PRDX3: variants seen among roughly 807,000 people sequenced by gnomAD.
PRDX3 encodes the protein peroxiredoxin 3.
Under a neutral mutation model 30.4 loss-of-function variants are expected in PRDX3, and 20 were observed. That is an observed-to-expected ratio of 0.66 (90% confidence interval 0.46 to 0.96). The LOEUF (loss-of-function observed/expected upper bound fraction) is 0.96. Ranked by LOEUF, PRDX3 falls within the 40% of genes least tolerant of loss-of-function variation. The probability of loss-of-function intolerance (pLI) is 0.00; values close to 1 mark genes in which losing one functional copy is unlikely to be tolerated. For synonymous variants in PRDX3, 124 were observed against 117.8 expected (o/e 1.05, Z -0.34); for missense variants, 322 against 318.3 (o/e 1.01, Z -0.09).
At chr10:119,174,156 A>G in intron 3 of PRDX3, among the ~76,000 whole-genome samples, 1 of 152,226 alleles carries the variant, frequency 6.6e-6, no homozygotes, top group Non-Finnish European at 1.5e-5. Context: ...TATTATGCCT[A>G]CTTTTCTCAT....
At position 119,168,558 on chromosome 10, in the gene PRDX3, G is replaced by T. The variant is rs748210590; in HGVS notation, c.718-25C>A. On this transcript the variant is annotated intron_variant, in intron 6 of 6. Coordinates refer to ENST00000298510, the MANE Select transcript of PRDX3 (RefSeq NM_006793.5). ...TCTGAAAATACAAAAGCTTAATTAG[G>T]TAACTGTGACTTTACCATAATAATA... is the stretch of plus-strand genomic sequence containing the variant. 1.2e-5 allele frequency: 19 copies of T among 1,612,350 alleles called. No individual in the cohort carries two copies. The South Asian group carries it at 2.0e-4, about 17-fold the overall frequency.
intron 3 of PRDX3, 49 bp downstream of exon 3, chr10:119,174,402 T>A (rs1847979118): frequency 6.4e-7 from 1 of 1,553,980 alleles, no homozygotes; most frequent in African/African-American, 1.4e-5. Flanking sequence ...GAACAGGATA[T>A]GTGCTTGCTC....
chr10:119,177,230 G>C lies in PRDX3; in HGVS notation c.37-77C>G. On this transcript the variant is annotated intron_variant, in intron 1 of 6. Transcript: ENST00000298510. Reference sequence around the variant, plus strand: ...GCTGAAAGGGCATCGTGCCAACGGTGGTTTCAGCTGTCCCTGTTCCTGTGA... The same window carrying C: ...GCTGAAAGGGCATCGTGCCAACGGTCGTTTCAGCTGTCCCTGTTCCTGTGA... 3.4e-6 allele frequency: 5 copies of C among 1,479,182 alleles called. No homozygotes were observed. In the Admixed American group the frequency reaches 8.7e-5, roughly 26 times the overall value. 91.6% of individuals were successfully genotyped at this position (1,479,182 alleles called of 1,614,324 possible).
chr10:119,168,379 G>C lies in PRDX3; in HGVS notation c.*101C>G. The C allele has an allele frequency of 6.4e-7, 1 of 1,573,286 alleles. No individual in the cohort carries two copies. Among genetic ancestry groups the C allele is most frequent in the Non-Finnish European group, 8.6e-7 (1 of 1,165,612 alleles). ...AATACTTATGAATACAAGCATAATT[G>C]GTTCCTTGCCTTCTACAAATAACCA... is the stretch of plus-strand genomic sequence containing the variant. On this transcript the variant is annotated 3_prime_UTR_variant, in exon 7 of 7. Transcript: ENST00000298510.
In PRDX3 at chr10:119,173,818, A is replaced by G; in HGVS notation, c.366T>C (p.Phe122=). Reference sequence around the variant, plus strand: ...CGACAACTTCACAGTTCACGTCGTGAAATTCGTTAGCTTTGTCACTAAAAG... The same window carrying G: ...CGACAACTTCACAGTTCACGTCGTGGAATTCGTTAGCTTTGTCACTAAAAG... The part of the protein sequence containing the change: ...IVAFSDKANE[F]HDVNCEVVAV... The change falls in exon 4 of 7, where the codon TTT becomes TTC. Residue 122 remains phenylalanine, a synonymous_variant. Transcript: ENST00000298510. 1.9e-6 allele frequency: 3 copies of G among 1,612,812 alleles called. No homozygotes were observed. The highest frequency in any genetic ancestry group is 1.7e-6 in the Non-Finnish European group (2 of 1,179,178).
chr10:119,173,317 T>C (rs1847953425), intron 4 of PRDX3, among the ~76,000 whole-genome samples: 1 of 151,964 alleles, frequency 6.6e-6, no homozygotes, highest in Admixed American at 6.6e-5. Context: ...ATAAAAAAAA[T>C]ACCTTGAGTA....
chr10:119,168,380 G>C lies in PRDX3; in HGVS notation c.*100C>G. 6.3e-7 allele frequency: 1 copy of C among 1,577,468 alleles called. No homozygotes were observed. The highest frequency in any genetic ancestry group is 8.6e-7 in the Non-Finnish European group (1 of 1,167,232). On this transcript the variant is annotated 3_prime_UTR_variant, in exon 7 of 7. Transcript: ENST00000298510. Reference sequence around the variant, plus strand: ...ATACTTATGAATACAAGCATAATTGGTTCCTTGCCTTCTACAAATAACCAT... The same window carrying C: ...ATACTTATGAATACAAGCATAATTGCTTCCTTGCCTTCTACAAATAACCAT...
intron 4 of PRDX3, among the ~76,000 whole-genome samples, 197 bp downstream of exon 4, chr10:119,173,540 C>T (rs1847959592): frequency 6.6e-6 from 1 of 150,524 alleles, no homozygotes; most frequent in Non-Finnish European, 1.5e-5. Flanking sequence ...ACCCAGGTGG[C>T]GGAGGTTGCA....
intron 1 of PRDX3, among the ~76,000 whole-genome samples, chr10:119,177,378 G>A (rs962201502): frequency 7.2e-5 from 11 of 152,226 alleles, no homozygotes; most frequent in African/African-American, 2.4e-4. Flanking sequence ...CACAAAGACC[G>A]GCTGGGCGCG....
In PRDX3 at chr10:119,169,105, G is replaced by A. The variant is rs1847839844; in HGVS notation, c.717+72C>T. The A allele has an allele frequency of 2.6e-6, 4 of 1,521,680 alleles. No homozygotes were observed. In the Admixed American group the frequency reaches 7.1e-5, roughly 27 times the overall value. The allele number at this position is 1,521,680 out of a possible 1,614,324, so 94.3% of individuals were successfully genotyped here. A position where few individuals can be genotyped will look rare whatever the true frequency, so the allele number is the denominator to read the frequency against. ...GCTTCAAGAGTGGGCTCCCTTTTGTGGATATTTCAGGTCAATAGCTCTCGA... is the reference window on the plus strand; with the variant it reads ...GCTTCAAGAGTGGGCTCCCTTTTGTAGATATTTCAGGTCAATAGCTCTCGA... On this transcript the variant is annotated intron_variant, in intron 6 of 6. Coordinates refer to ENST00000298510, the MANE Select transcript of PRDX3 (RefSeq NM_006793.5).
chr10:119,177,139 C>T lies in PRDX3; in HGVS notation c.51G>A (p.Val17=). ...CAGAAATGCCCCAAGGAATGGCACT[C>T]ACATGTCGGGCAACCTGGAAAGAGA... The part of the protein sequence containing the change: ...RLLRASVARH[V]SAIPWGISAT... The change falls in exon 2 of 7, where the codon GTG becomes GTA. Residue 17 remains valine, a synonymous_variant. Transcript: ENST00000298510. 1 of 1,613,258 alleles carries T rather than the reference C, an allele frequency of 6.2e-7. No individual in the cohort carries two copies. Among genetic ancestry groups the T allele is most frequent in the African/African-American group, 1.3e-5 (1 of 75,036 alleles).
intron 1 of PRDX3, 53 bp from the exon 2 acceptor site, chr10:119,177,206 C>G (rs1848055198): frequency 1.3e-6 from 2 of 1,592,340 alleles, no homozygotes; most frequent in African/African-American, 1.3e-5. Context: ...TGACTGAAGG[C>G]TGAAAGGGCA....
intron 3 of PRDX3, among the ~76,000 whole-genome samples, chr10:119,174,163 T>G (rs1279291614): frequency 6.6e-6 from 1 of 152,234 alleles, no homozygotes; most frequent in East Asian, 1.9e-4. Flanking sequence ...CCTACTTTTC[T>G]CATTTTTCCC....
intron 5 of PRDX3, among the ~76,000 whole-genome samples, chr10:119,171,661 A>C (rs1253873257): frequency 6.6e-6 from 1 of 152,146 alleles, no homozygotes; most frequent in Non-Finnish European, 1.5e-5. Context: ...CTATGCTAAA[A>C]ACTCTAGCTG....
At chr10:119,171,390 G>A (rs35015694) in intron 5 of PRDX3, among the ~76,000 whole-genome samples, 155 of 152,252 alleles carry the variant, frequency 1.0e-3, no homozygotes, top group African/African-American at 3.7e-3. Flanking sequence ...GTGAGGCACA[G>A]CACATCAAAG....
intron 6 of PRDX3, 125 bp downstream of exon 6, chr10:119,169,052 C>A: frequency 5.4e-5 from 44 of 814,826 alleles, no homozygotes; most frequent in East Asian, 6.8e-5. Context: ...ACAGCAGCTT[C>A]ACCCATTTGC....
At chr10:119,173,604 C>T (rs558030887) in intron 4 of PRDX3, 133 bp downstream of exon 4, 252 of 1,021,926 alleles carry the variant, frequency 2.5e-4, no homozygotes, top group Non-Finnish European at 3.2e-4. Context: ...AGTGAAGCTC[C>T]GTCTCAAAAA....
At position 119,168,492 on chromosome 10, in the gene PRDX3, C is replaced by G. The variant is rs1847820285; in HGVS notation, c.759G>C (p.Lys253Asn). ...ACACATGGGTGATCTACTGATTTAC[C>G]TTCTGAAAGTACTCTTTGGAAGCAG... Reference protein sequence around the residue: ...SPAASKEYFQKVNQ With the variant: ...SPAASKEYFQNVNQ The change falls in exon 7 of 7, where the codon AAG becomes AAC. Residue 253 changes from lysine to asparagine, a missense_variant. Lys to Asn is a moderately conservative substitution (Grantham distance 94, BLOSUM62 0). Transcript: ENST00000298510. 5 of 1,613,774 alleles carry G rather than the reference C, an allele frequency of 3.1e-6. No individual in the cohort carries two copies. In the South Asian group the frequency reaches 4.4e-5, roughly 14 times the overall value.
intron 3 of PRDX3, 46 bp downstream of exon 3, chr10:119,174,405 G>T: frequency 6.4e-7 from 1 of 1,559,120 alleles, no homozygotes; most frequent in Non-Finnish European, 8.7e-7. Flanking sequence ...CAGGATATGT[G>T]CTTGCTCTCA....
Sources: allele counts gnomAD v4.1 joint callset (sites outside exome capture counted in the v4.1 genomes callset), GRCh38; gene constraint gnomAD v4.1.1; transcripts MANE v1.5; gene names NCBI Gene and HGNC (gene_info 2026-07-23, HGNC 2026-07-21).